The following TTN variants were observed in gnomAD, a reference collection of about 807,000 sequenced individuals.
TTN encodes the protein titin.
A neutral mutation model predicts 3,223.0 loss-of-function variants in TTN; 1,525 were observed. That is an observed-to-expected ratio of 0.47 (90% confidence interval 0.45 to 0.49). The LOEUF (loss-of-function observed/expected upper bound fraction) is 0.49, where lower values mean the gene tolerates loss of function less well. Ranked by LOEUF, TTN falls within the 20% of genes least tolerant of loss-of-function variation. The probability of loss-of-function intolerance (pLI) is 0.00; values close to 1 mark genes in which losing one functional copy is unlikely to be tolerated. For synonymous variants in TTN, 14,094 were observed against 15,161.0 expected, an observed-to-expected ratio of 0.93 and a Z score of 5.17; for missense variants, 40,786 against 43,424.0, an observed-to-expected ratio of 0.94 and a Z score of 5.40.
At chr2:178,793,993 A>G (rs2093641948) in intron 8 of TTN, among the ~76,000 whole-genome samples, 1 of 152,212 alleles carries the variant, frequency 6.6e-6, no homozygotes, top group South Asian at 2.1e-4. Flanking sequence ...AGAAAAGTAA[A>G]AACAAAAGTC....
rs555978535 is a variant in TTN, at chr2:178,569,392, C to A, written c.76740G>T (p.Thr25580=). Residue 25580 remains threonine, a synonymous_variant, in exon 326 of 363, where the codon ACG becomes ACT. Transcript: ENST00000589042. ...TTCCACTGCTGTTTTCTAATGTAAGCGTATATTTTCCACTATCATATCGGT... is the reference window on the plus strand; with the variant it reads ...TTCCACTGCTGTTTTCTAATGTAAGAGTATATTTTCCACTATCATATCGGT... ...NVNRYDSGKY[T]LTLENSSGTK... 1 of 1,613,284 alleles carries A rather than the reference C, an allele frequency of 6.2e-7. No individual in the cohort carries two copies. The highest frequency in any genetic ancestry group is 1.7e-5 in the Admixed American group (1 of 59,952).
Position 178,652,444 on chromosome 2 carries a change from T to C in TTN, c.39127+14A>G. On this transcript the variant is annotated intron_variant, in intron 202 of 362. Coordinates refer to ENST00000589042, the MANE Select transcript of TTN (RefSeq NM_001267550.2). ...GAGTTTGATCATCTGAAGCCTAAAATCAGTGACAAATACCTTTAACAGGTG... is the reference window on the plus strand; with the variant it reads ...GAGTTTGATCATCTGAAGCCTAAAACCAGTGACAAATACCTTTAACAGGTG... The C allele has an allele frequency of 6.2e-7, 1 of 1,612,754 alleles. No individual in the cohort carries two copies. The highest frequency in any genetic ancestry group is 8.5e-7 in the Non-Finnish European group (1 of 1,179,406).
chr2:178,537,595 C>G lies in TTN; in HGVS notation c.99612G>C (p.Glu33204Asp). The change falls in exon 355 of 363, where the codon GAG becomes GAC. Residue 33204 changes from glutamate (E) to aspartate (D), a missense_variant. Transcript: ENST00000589042. ...TGGAACCCACAGCTCCATAATATTTCTCTTTCAGTGGGTAACCAGGATGGA... is the reference window on the plus strand; with the variant it reads ...TGGAACCCACAGCTCCATAATATTTGTCTTTCAGTGGGTAACCAGGATGGA... ...PQFHPGYPLK[E>D]KYYGAVGSTL... is the part of the protein sequence containing the mutation. 3 of 1,613,666 alleles carry G rather than the reference C, an allele frequency of 1.9e-6. No individual in the cohort carries two copies. The highest frequency in any genetic ancestry group is 2.5e-6 in the Non-Finnish European group (3 of 1,179,688).
chr2:178,632,451 C>G, intron 235 of TTN, 38 bp from the exon 236 acceptor site: 1 of 1,577,662 alleles, frequency 6.3e-7, no homozygotes, highest in Non-Finnish European at 8.6e-7. Context: ...TTAATTGAAG[C>G]ACTTTAAAGA....
chr2:178,697,988 C>T (rs534766179), intron 112 of TTN, among the ~76,000 whole-genome samples: 26 of 152,016 alleles, frequency 1.7e-4, no homozygotes, highest in Non-Finnish European at 3.8e-4. Context: ...ATGGAAACAC[C>T]CTAAGTGTCC....
intron 11 of TTN, among the ~76,000 whole-genome samples, chr2:178,790,346 C>T (rs559132933): frequency 6.6e-5 from 10 of 152,140 alleles, no homozygotes; most frequent in Non-Finnish European, 1.3e-4. Flanking sequence ...CAATAAAAGA[C>T]TAATGAGTGC....
At chr2:178,753,045 T>G in intron 47 of TTN, 79 bp downstream of exon 47, 1 of 1,174,116 alleles carries the variant, frequency 8.5e-7, no homozygotes, top group Non-Finnish European at 1.3e-6. Context: ...TCAATAATAC[T>G]AAGAGAAAGA....
Position 178,631,147 on chromosome 2 carries a change from T to C in TTN, c.43901A>G (p.Lys14634Arg). Residue 14634 changes from lysine to arginine, a missense_variant, in exon 237 of 363, where the codon AAG (lysine) becomes AGG (arginine). Lys to Arg is a conservative substitution (Grantham distance 26). Coordinates refer to ENST00000589042, the MANE Select transcript of TTN (RefSeq NM_001267550.2). ...EIKPSKNAVI[K>R]ADGKKRMLIL... ...TAGCATGCGTTTCTTGCCATCTGCC[T>C]TAATAACAGCATTTTTGGATGGCTT... The C allele has an allele frequency of 6.2e-7, 1 of 1,613,382 alleles. No individual in the cohort carries two copies. The highest frequency in any genetic ancestry group is 8.5e-7 in the Non-Finnish European group (1 of 1,179,594).
chr2:178,804,831 CATT>C (rs1241500480), intron 1 of TTN, among the ~76,000 whole-genome samples, 176 bp from the exon 2 acceptor site: 2 of 152,130 alleles, frequency 1.3e-5, no homozygotes, highest in Non-Finnish European at 1.5e-5. Flanking sequence ...CATAGTTCAT[CATT>C]GAGTTGACTT....
chr2:178,617,057 G>A (rs773300670), intron 255 of TTN, 44 bp from the exon 256 acceptor site: 1 of 1,610,962 alleles, frequency 6.2e-7, no homozygotes, highest in Non-Finnish European at 8.5e-7. Context: ...CCATATTTAA[G>A]TCCCTGTTGC....
rs1049541565 is a variant in TTN, at chr2:178,548,466, C to T, written c.93160G>A (p.Glu31054Lys). The T allele has an allele frequency of 6.2e-7, 1 of 1,613,892 alleles. No individual in the cohort carries two copies. The highest frequency in any genetic ancestry group is 1.1e-5 in the South Asian group (1 of 91,072). ...CTACGGCGACTTGCCTCTCGTTTCT[C>T]TACCACATAATGATGGATTCGGGCA... is the stretch of plus-strand genomic sequence containing the variant. ...GGARIHHYVV[E>K]KREASRRSWQ... is the part of the protein sequence containing the mutation. Residue 31054 changes from glutamate (E) to lysine (K), a missense_variant, in exon 339 of 363, where the codon GAG becomes AAG. Transcript: ENST00000589042. This position sits in a 1 kb window ranked among gnomAD's most constrained non-coding sequence, Gnocchi z 4.3.
At chr2:178,667,562 T>C (rs2066189995) in intron 160 of TTN, 37 bp from the exon 161 acceptor site, 2 of 1,581,828 alleles carry the variant, frequency 1.3e-6, no homozygotes, top group African/African-American at 2.7e-5. Context: ...TTATAAATGG[T>C]GAAGAAAAAT....
In TTN at chr2:178,713,185, T is replaced by A. The variant is rs878969676; in HGVS notation, c.26949A>T (p.Leu8983Phe). Reference sequence around the variant, plus strand: ...CTGATTCTTCCAGCATGTTCACAGTTAAAGCACAAGTATTATCTGTCAGGG... The same window carrying A: ...CTGATTCTTCCAGCATGTTCACAGTAAAAGCACAAGTATTATCTGTCAGGG... ...QTTLTDNTCA[L>F]TVNMLEESDS... The change falls in exon 93 of 363, where the codon TTA (leucine) becomes TTT (phenylalanine). Residue 8983 changes from leucine to phenylalanine, a missense_variant. Leu to Phe is a conservative substitution (Grantham distance 22, BLOSUM62 0). Coordinates refer to ENST00000589042, the MANE Select transcript of TTN (RefSeq NM_001267550.2). 6.2e-6 allele frequency: 10 copies of A among 1,613,776 alleles called. No individual in the cohort carries two copies. The highest frequency in any genetic ancestry group is 8.5e-6 in the Non-Finnish European group (10 of 1,179,754).
Position 178,663,704 on chromosome 2 carries a change from T to A in TTN, c.36455A>T (p.Glu12152Val). 1 of 1,613,418 alleles carries A rather than the reference T, an allele frequency of 6.2e-7. No individual in the cohort carries two copies. The highest frequency in any genetic ancestry group is 8.5e-7 in the Non-Finnish European group (1 of 1,179,756). Residue 12152 changes from glutamate to valine, a missense_variant, in exon 171 of 363, where the codon GAG (glutamate) becomes GTG (valine). By Grantham distance (121) the Glu-to-Val change is moderately radical. Coordinates refer to ENST00000589042, the MANE Select transcript of TTN (RefSeq NM_001267550.2). The part of the protein sequence containing the change: ...EPEVPPVKVP[E>V]PPKEVVPEKK... ...TTCAGGAACTACTTCTTTGGGAGGC[T>A]CTGGTACTTAAAAGATATTAGCAAA... is the stretch of plus-strand genomic sequence containing the variant.
chr2:178,617,228 C>T lies in TTN; in HGVS notation c.47767G>A (p.Gly15923Arg), dbSNP rs371943746. The change falls in exon 255 of 363, where the codon GGA becomes AGA. Residue 15923 changes from glycine (G) to arginine (R), a missense_variant. Gly to Arg is a moderately radical substitution (Grantham distance 125, BLOSUM62 -2). Coordinates refer to ENST00000589042, the MANE Select transcript of TTN (RefSeq NM_001267550.2). ...LVPELTYKVT[G>R]LEKGNKYLYR... is the part of the protein sequence containing the mutation. ...AAATATTTATTTCCTTTTTCCAATCCGGTAACCTACGATTATGAATTAATA... is the reference window on the plus strand; with the variant it reads ...AAATATTTATTTCCTTTTTCCAATCTGGTAACCTACGATTATGAATTAATA... 1.1e-4 allele frequency: 177 copies of T among 1,543,872 alleles called. No homozygotes were observed. Among genetic ancestry groups the T allele is most frequent in the African/African-American group, 8.2e-4 (59 of 71,886 alleles).
At position 178,684,144 on chromosome 2, in the gene TTN, C is replaced by T; in HGVS notation, c.32723-62G>A. ...CTCTTTCAAACCACAAAAAGGCAGC[C>T]ATAAAGTAGTAGCCCAAACATAAAC... On this transcript the variant is annotated intron_variant, in intron 132 of 362. Transcript: ENST00000589042. 3 of 1,563,456 alleles carry T rather than the reference C, an allele frequency of 1.9e-6. No individual in the cohort carries two copies. In the South Asian group the frequency reaches 3.5e-5, roughly 18 times the overall value.
In TTN at chr2:178,710,920, C is replaced by T. The variant is rs745513677; in HGVS notation, c.28177G>A (p.Gly9393Arg). 2.5e-6 allele frequency: 4 copies of T among 1,611,546 alleles called. 1 individual carries two copies. The highest frequency in any genetic ancestry group is 4.5e-5 in the East Asian group (2 of 44,854). The part of the protein sequence containing the change: ...SSSARLILTE[G>R]KNPPFFDIRL... ...ATGTCAAAGAAGGGTGGGTTCTTCCCCTCTAATAGTAGAGCAGAAAGACAA... is the reference window on the plus strand; with the variant it reads ...ATGTCAAAGAAGGGTGGGTTCTTCCTCTCTAATAGTAGAGCAGAAAGACAA... The change falls in exon 98 of 363, where the codon GGG becomes AGG. Residue 9393 changes from glycine to arginine, a missense_variant and splice_region_variant. Physicochemically the swap from Gly to Arg is moderately radical, Grantham distance 125. Transcript: ENST00000589042.
chr2:178,679,348 G>A lies in TTN; in HGVS notation c.33733C>T (p.Pro11245Ser). 1 of 1,612,552 alleles carries A rather than the reference G, an allele frequency of 6.2e-7. No homozygotes were observed. The highest frequency in any genetic ancestry group is 2.2e-5 in the East Asian group (1 of 44,870). ...VLIPKKEKPPPAKVPEVPKKP... is the reference protein window; with the variant it reads ...VLIPKKEKPPSAKVPEVPKKP... ...GATTATAAGGATGTACCTTTTGCTGGCGGAGGCTTCTCCTTTTTAGGAATA... is the reference window on the plus strand; with the variant it reads ...GATTATAAGGATGTACCTTTTGCTGACGGAGGCTTCTCCTTTTTAGGAATA... The change falls in exon 142 of 363, where the codon CCA becomes TCA. Residue 11245 changes from proline (P) to serine (S), a missense_variant. Pro to Ser is a moderately conservative substitution (Grantham distance 74). Transcript: ENST00000589042.
chr2:178,796,675 G>C (rs1027055968), intron 6 of TTN, among the ~76,000 whole-genome samples: 10 of 152,146 alleles, frequency 6.6e-5, no homozygotes, highest in African/African-American at 2.4e-4. Flanking sequence ...GTGCTTTTAA[G>C]TTTCACCCTG....
Sources: gnomAD v4.1 joint callset for allele counts (sites outside exome capture counted in the v4.1 genomes callset) on GRCh38, gnomAD v4.1.1 for gene constraint, Gnocchi (gnomAD v3.1) non-coding constraint, MANE v1.5 for transcripts, NCBI Gene and HGNC (gene_info 2026-07-23, HGNC 2026-07-21) for gene names.